The following NAV2 variants were observed in gnomAD, a reference collection of about 807,000 sequenced individuals.
NAV2 encodes the protein helicase, APC down-regulated 1.
In NAV2, 54 loss-of-function variants were observed where a neutral mutation model predicts 223.2. The ratio of observed to expected loss-of-function variants is 0.24; its 90% CI spans 0.19 to 0.30. The LOEUF is 0.30. Ranked by LOEUF, NAV2 falls within the 10% of genes least tolerant of loss-of-function variation. The probability of loss-of-function intolerance (pLI) is 1.00; values close to 1 mark genes in which losing one functional copy is unlikely to be tolerated. For missense variants in NAV2, 2,806 were observed against 3,147.5 expected (o/e 0.89, Z 2.60); for synonymous variants, 1,279 against 1,239.3 (o/e 1.03, Z -0.67).
intron 1 of NAV2, among the ~76,000 whole-genome samples, chr11:19,448,371 A>G (rs1851665563): frequency 6.6e-6 from 1 of 152,052 alleles, no homozygotes; most frequent in Admixed American, 6.5e-5. Flanking sequence ...TTCAAACTAG[A>G]CCAGGTTTCA....
At chr11:19,504,667 C>T (rs1207555998) in intron 1 of NAV2, among the ~76,000 whole-genome samples, 1 of 152,268 alleles carries the variant, frequency 6.6e-6, no homozygotes, top group African/African-American at 2.4e-5. Flanking sequence ...TTTCCCCTTC[C>T]AAAGTGCTGG....
chr11:19,672,707 C>T (rs953912521), intron 1 of NAV2, among the ~76,000 whole-genome samples: 15 of 152,114 alleles, frequency 9.9e-5, no homozygotes, highest in Admixed American at 2.6e-4. Context: ...TAAGAGATGA[C>T]GCAAGCTGGC....
chr11:19,925,325 A>T (rs1348096784), intron 6 of NAV2, among the ~76,000 whole-genome samples: 1 of 152,194 alleles, frequency 6.6e-6, no homozygotes, highest in Non-Finnish European at 1.5e-5. Flanking sequence ...TTTTGGTGTC[A>T]TATCCAAGAA....
intron 1 of NAV2, among the ~76,000 whole-genome samples, chr11:19,617,869 A>G (rs549048271): frequency 3.0e-4 from 45 of 152,226 alleles, no homozygotes; most frequent in African/African-American, 1.1e-3. Context: ...CTCCAGTCAC[A>G]ATGGCACACA....
intron 1 of NAV2, among the ~76,000 whole-genome samples, chr11:19,749,544 T>C (rs1008909645): frequency 1.3e-5 from 2 of 152,220 alleles, no homozygotes; most frequent in Non-Finnish European, 2.9e-5. Flanking sequence ...TCCCTGGATG[T>C]CAAGACGTCT....
intron 10 of NAV2, among the ~76,000 whole-genome samples, chr11:19,952,324 A>G (rs1252638804): frequency 6.6e-6 from 1 of 152,232 alleles, no homozygotes; most frequent in Non-Finnish European, 1.5e-5. Flanking sequence ...GACGTTAGGC[A>G]TGTCATTTGA....
At position 19,612,525 on chromosome 11, in the gene NAV2, G is replaced by A. The variant is rs530346099; in HGVS notation, c.76-219959G>A. ...GCTTTGCTGCTTAGAAATTTCTTCCGCCAGATACCCTAAATCATCTCTCTC... is the reference window on the plus strand; with the variant it reads ...GCTTTGCTGCTTAGAAATTTCTTCCACCAGATACCCTAAATCATCTCTCTC... On this transcript the variant is annotated intron_variant, in intron 1 of 37. Coordinates refer to the NAV2 transcript ENST00000360655. 2.2e-3 allele frequency among the ~76,000 whole-genome samples: 340 copies of A among 152,172 alleles called. 1 individual carries two copies. Among genetic ancestry groups the A allele is most frequent in the Middle Eastern group, 0.01 (3 of 294 alleles).
At chr11:19,938,603 G>T (rs547181464) in intron 7 of NAV2, among the ~76,000 whole-genome samples, 1 of 152,186 alleles carries the variant, frequency 6.6e-6, no homozygotes, top group South Asian at 2.1e-4. Context: ...AATAAGTTGG[G>T]CTGGTTTCCA....
intron 1 of NAV2, among the ~76,000 whole-genome samples, chr11:19,729,442 T>C (rs973645563): frequency 5.9e-5 from 9 of 152,182 alleles, no homozygotes; most frequent in Non-Finnish European, 1.2e-4. Context: ...AGGAAGGGTT[T>C]ACTGAGAATC....
intron 11 of NAV2, among the ~76,000 whole-genome samples, chr11:20,004,874 C>G (rs1031539465): frequency 1.3e-5 from 2 of 152,108 alleles, no homozygotes; most frequent in African/African-American, 4.8e-5. Flanking sequence ...TGGTTAAGAG[C>G]AAAGGCTCCA....
intron 1 of NAV2, among the ~76,000 whole-genome samples, chr11:19,370,308 C>T (rs181009153): frequency 1.2e-4 from 18 of 152,340 alleles, no homozygotes; most frequent in Admixed American, 3.3e-4. Flanking sequence ...GCTGGACAAG[C>T]CTTTACATTG....
intron 1 of NAV2, among the ~76,000 whole-genome samples, chr11:19,653,914 C>T (rs538264583): frequency 1.3e-5 from 2 of 152,264 alleles, no homozygotes; most frequent in East Asian, 3.9e-4. Context: ...GATGATCAGA[C>T]AGGATAGAAT....
chr11:19,571,394 A>G (rs1017847493), intron 1 of NAV2, among the ~76,000 whole-genome samples: 2 of 152,222 alleles, frequency 1.3e-5, no homozygotes, highest in African/African-American at 4.8e-5. Flanking sequence ...GAAAGTACTA[A>G]GTGTCACTGA....
At chr11:19,893,579 G>T (rs2041692397) in intron 6 of NAV2, among the ~76,000 whole-genome samples, 2 of 152,160 alleles carry the variant, frequency 1.3e-5, no homozygotes, top group African/African-American at 2.4e-5. Flanking sequence ...ACTTGATGCA[G>T]TGGAACTGAG....
chr11:19,922,040 A>G (rs941651215), intron 6 of NAV2, among the ~76,000 whole-genome samples: 1 of 152,176 alleles, frequency 6.6e-6, no homozygotes, highest in Non-Finnish European at 1.5e-5. Context: ...GAGAATATAT[A>G]AAAACAGGCT....
intron 1 of NAV2, among the ~76,000 whole-genome samples, chr11:19,385,658 T>A (rs1849005811): frequency 6.6e-6 from 1 of 152,074 alleles, no homozygotes; most frequent in Non-Finnish European, 1.5e-5. Flanking sequence ...GCATTTAAGT[T>A]CTTTGAAAAG....
At chr11:19,809,850 T>C (rs185295858) in intron 1 of NAV2, among the ~76,000 whole-genome samples, 2 of 152,232 alleles carry the variant, frequency 1.3e-5, no homozygotes, top group Non-Finnish European at 2.9e-5. Flanking sequence ...TTGTAGGTTT[T>C]GGAGAGGAAG....
intron 36 of NAV2, among the ~76,000 whole-genome samples, chr11:20,112,707 G>T (rs2062741556): frequency 6.6e-6 from 1 of 152,172 alleles, no homozygotes; most frequent in Non-Finnish European, 1.5e-5. Flanking sequence ...AGAGGAAAAA[G>T]GCCTGGCAAA....
intron 1 of NAV2, among the ~76,000 whole-genome samples, chr11:19,377,069 C>G (rs575024348): frequency 1.3e-5 from 2 of 152,126 alleles, no homozygotes; most frequent in Non-Finnish European, 2.9e-5. Flanking sequence ...GGGAAAGTGC[C>G]CCAGACAAGC....
Sources: allele counts gnomAD v4.1 joint callset (sites outside exome capture counted in the v4.1 genomes callset), GRCh38; gene constraint gnomAD v4.1.1; transcripts MANE v1.5; gene names NCBI Gene and HGNC (gene_info 2026-07-23, HGNC 2026-07-21).